PLXNA2: variants seen among roughly 807,000 people sequenced by gnomAD.
PLXNA2 encodes plexin A2, also known as plexin-A2.
A neutral mutation model predicts 193.5 loss-of-function variants in PLXNA2; 91 were observed. The ratio of observed to expected loss-of-function variants is 0.47; its 90% CI spans 0.40 to 0.56. PLXNA2 has a LOEUF of 0.56. Ranked by LOEUF, PLXNA2 falls within the 20% of genes least tolerant of loss-of-function variation. The probability of loss-of-function intolerance (pLI) is 0.00; values close to 1 mark genes in which losing one functional copy is unlikely to be tolerated. For missense variants in PLXNA2, 1,995 were observed against 2,503.2 expected (o/e 0.80, Z 4.33); for synonymous variants, 997 against 1,027.3 (o/e 0.97, Z 0.56).
chr1:208,033,651 T>C (rs1184492289), intron 27 of PLXNA2, 142 bp from the exon 28 acceptor site: 13 of 578,218 alleles, frequency 2.2e-5, no homozygotes, highest in Non-Finnish European at 3.4e-5. Context: ...GGACCTCATA[T>C]ATGGTAGGTT....
rs199954172 is a variant in PLXNA2 at position 208,054,511 on chromosome 1, G to C, written c.2766C>G (p.Leu922=). 3 of 1,614,124 alleles carry C rather than the reference G, an allele frequency of 1.9e-6. No homozygotes were observed. The highest frequency in any genetic ancestry group is 2.5e-6 in the Non-Finnish European group (3 of 1,179,936). The change falls in exon 14 of 32, where the codon CTC becomes CTG. Residue 922 remains leucine (L), a synonymous_variant. Coordinates refer to ENST00000367033, the MANE Select transcript of PLXNA2 (RefSeq NM_025179.4). ...GTACTGGCCCGGAGGTGGTTCCCAC[G>C]AGGGCATGGCCCATCTCACAGACAA... The part of the protein sequence containing the change: ...EQIVCEMGHA[L]VGTTSGPVRL...
rs753783299 is a variant in PLXNA2, at chr1:208,148,834, G to A, written c.1372-6371C>T. 4.4e-4 allele frequency among the ~76,000 whole-genome samples: 67 copies of A among 152,182 alleles called. 2 individuals are homozygous for A. Among genetic ancestry groups the A allele is most frequent in the Non-Finnish European group, 8.8e-4 (60 of 68,032 alleles). ...GGCCCTGAGGGGGTACTTCCTGGAG[G>A]AGGTGAGGCCTAAGCCAAAATGCAG... On this transcript the variant is annotated intron_variant, in intron 3 of 31. Transcript: ENST00000367033.
intron 12 of PLXNA2, 63 bp from the exon 13 acceptor site, chr1:208,060,900 T>G: frequency 6.7e-7 from 1 of 1,503,580 alleles, no homozygotes; most frequent in Non-Finnish European, 9.2e-7. Flanking sequence ...AGCAGCACCC[T>G]TCCCCCTCCC....
At chr1:208,069,409 T>C (rs1449738746) in intron 12 of PLXNA2, among the ~76,000 whole-genome samples, 2 of 152,182 alleles carry the variant, frequency 1.3e-5, no homozygotes, top group Non-Finnish European at 2.9e-5. Context: ...TGCCATGACC[T>C]GGAAAGCAGC....
Position 208,038,711 on chromosome 1 carries a change from C to T in PLXNA2, c.4660+114G>A, listed in dbSNP as rs79129786. The stretch of plus-strand genomic sequence containing the variant: ...CGCTCAAAGCGGGAAGCATTTCACA[C>T]GGGCCTCAGCTGGCCAGGACACAGT... On this transcript the variant is annotated intron_variant, in intron 25 of 31. Transcript: ENST00000367033. This position sits in a 1 kb window ranked among gnomAD's most constrained non-coding sequence, Gnocchi z 4.1. The T allele has an allele frequency of 0.034, 38,452 of 1,144,910 alleles. 781 individuals carry two copies. The highest frequency in any genetic ancestry group is 0.041 in the Non-Finnish European group (32,051 of 782,354). The allele number at this position is 1,144,910 out of a possible 1,614,324, so 70.9% of individuals were successfully genotyped here.
intron 3 of PLXNA2, among the ~76,000 whole-genome samples, chr1:208,182,034 G>A (rs1293069819): frequency 1.1e-5 from 1 of 94,448 alleles, no homozygotes; most frequent in Non-Finnish European, 2.2e-5. Flanking sequence ...CTTTCACCGT[G>A]GCCTGTTCAG....
chr1:208,028,698 G>A lies in PLXNA2; in HGVS notation c.5438+132C>T. ...CCCTTCCTCCCGCAGCAGGGGGTGTGGCAGGGAGGGGAGTGGGAGGTCCTG... is the reference window on the plus strand; with the variant it reads ...CCCTTCCTCCCGCAGCAGGGGGTGTAGCAGGGAGGGGAGTGGGAGGTCCTG... On this transcript the variant is annotated intron_variant, in intron 30 of 31. Transcript: ENST00000367033. The surrounding 1 kb of genome is among the most constrained non-coding windows in gnomAD (Gnocchi z 4.2). 1 of 754,406 alleles carries A rather than the reference G, an allele frequency of 1.3e-6. No individual in the cohort carries two copies. The highest frequency in any genetic ancestry group is 1.9e-5 in the South Asian group (1 of 52,988). 46.7% of individuals were successfully genotyped at this position (754,406 alleles called of 1,614,324 possible). A position where few individuals can be genotyped will look rare whatever the true frequency, so the allele number is the denominator to read the frequency against.
intron 10 of PLXNA2, among the ~76,000 whole-genome samples, chr1:208,083,871 C>G (rs991248732): frequency 6.6e-6 from 1 of 151,912 alleles, no homozygotes; most frequent in East Asian, 2.0e-4. Flanking sequence ...TCTTCTCCAG[C>G]TTTTGCCTGT....
At chr1:208,051,446 G>T in intron 15 of PLXNA2, 23 bp from the exon 16 acceptor site, 1 of 1,598,024 alleles carries the variant, frequency 6.3e-7, no homozygotes, top group South Asian at 1.1e-5. Flanking sequence ...CAGCAGGAGG[G>T]TTGAGAAGAA....
At chr1:208,095,049 C>A (rs1180365976) in intron 8 of PLXNA2, among the ~76,000 whole-genome samples, 1 of 152,172 alleles carries the variant, frequency 6.6e-6, no homozygotes, top group Non-Finnish European at 1.5e-5. Context: ...CTGCCTTGGA[C>A]AATGGGAAGG....
intron 3 of PLXNA2, among the ~76,000 whole-genome samples, chr1:208,182,963 C>T (rs1436914882): frequency 6.6e-6 from 1 of 152,180 alleles, no homozygotes; most frequent in Non-Finnish European, 1.5e-5. Context: ...CTGCCAACCT[C>T]CTAGTCAAGA....
At position 208,188,573 on chromosome 1, in the gene PLXNA2, G is replaced by A. The variant is rs145746693; in HGVS notation, c.1371+21707C>T. Among the ~76,000 whole-genome samples, 994 of 152,216 alleles carry A rather than the reference G, an allele frequency of 6.5e-3. 13 individuals are homozygous for A. Among genetic ancestry groups the A allele is most frequent in the African/African-American group, 0.022 (930 of 41,536 alleles). On this transcript the variant is annotated intron_variant, in intron 3 of 31. Coordinates refer to ENST00000367033, the MANE Select transcript of PLXNA2 (RefSeq NM_025179.4). ...AAAATACAAAAATCAGCTGGGCATG[G>A]TGGTGGTTGCCTGTAATCCCAGCTA...
At chr1:208,029,993 C>A (rs901201604) in intron 29 of PLXNA2, 31 of 985,428 alleles carry the variant, frequency 3.1e-5, no homozygotes, top group Non-Finnish European at 3.6e-5. Flanking sequence ...CTTCTTCTCT[C>A]CCCTCCTTCA....
In PLXNA2 at chr1:208,217,898, G is replaced by A. The variant is rs752077297; in HGVS notation, c.25C>T (p.Arg9Trp). The change falls in exon 2 of 32, where the codon CGG (arginine) becomes TGG (tryptophan). Residue 9 changes from arginine to tryptophan, a missense_variant. Transcript: ENST00000367033. This position sits in a 1 kb window ranked among gnomAD's most constrained non-coding sequence, Gnocchi z 4.7. ...GAGCGGCTGTCCACCTCCAGGGCCC[G>A]GGGCCAGGGCCGCCTCTGTTCCATG... is the stretch of plus-strand genomic sequence containing the variant. The part of the protein sequence containing the change: MEQRRPWP[R>W]ALEVDSRSVV... 22 of 1,611,040 alleles carry A rather than the reference G, an allele frequency of 1.4e-5. No individual in the cohort carries two copies. The highest frequency in any genetic ancestry group is 4.5e-5 in the East Asian group (2 of 44,866).
chr1:208,184,888 C>G (rs1168871804), intron 3 of PLXNA2, among the ~76,000 whole-genome samples: 1 of 152,202 alleles, frequency 6.6e-6, no homozygotes, highest in Middle Eastern at 3.2e-3. Flanking sequence ...AATAGGCAAG[C>G]CTCCCAGTTC....
intron 3 of PLXNA2, among the ~76,000 whole-genome samples, chr1:208,151,260 C>A (rs1321289448): frequency 5.3e-5 from 8 of 152,160 alleles, no homozygotes; most frequent in Admixed American, 4.6e-4. Flanking sequence ...CAAATCTGAA[C>A]CTTTGTTTAC....
At chr1:208,224,654 G>A (rs1264407061) in intron 1 of PLXNA2, among the ~76,000 whole-genome samples, 1 of 152,082 alleles carries the variant, frequency 6.6e-6, no homozygotes, top group Admixed American at 6.6e-5. Flanking sequence ...CCTAGACTCT[G>A]TGCGGTTATG....
At chr1:208,054,381 T>C (rs763370628) in intron 14 of PLXNA2, 40 bp downstream of exon 14, 1 of 1,393,692 alleles carries the variant, frequency 7.2e-7, no homozygotes, top group Non-Finnish European at 1.0e-6. Flanking sequence ...GTGTGTCTCC[T>C]CCCTGGGCAC....
At chr1:208,045,817 C>T (rs940725660) in intron 18 of PLXNA2, 61 bp downstream of exon 18, 35 of 1,592,854 alleles carry the variant, frequency 2.2e-5, no homozygotes, top group Middle Eastern at 1.7e-4. Flanking sequence ...AGGCCAGGAG[C>T]GAGGGGCGCC....
Sources: gnomAD v4.1 joint callset for allele counts (sites outside exome capture counted in the v4.1 genomes callset) on GRCh38, gnomAD v4.1.1 for gene constraint, Gnocchi (gnomAD v3.1) non-coding constraint, MANE v1.5 for transcripts, NCBI Gene and HGNC (gene_info 2026-07-23, HGNC 2026-07-21) for gene names.